The following DENND1A variants were observed in gnomAD, a reference collection of about 807,000 sequenced individuals.
The protein encoded by DENND1A is DENN domain-containing protein 1A.
A neutral mutation model predicts 113.7 loss-of-function variants in DENND1A; 51 were observed. That is an observed-to-expected ratio of 0.45 (90% CI 0.36 to 0.57). The LOEUF is 0.57. Ranked by LOEUF, DENND1A falls within the 20% of genes least tolerant of loss-of-function variation. The probability of loss-of-function intolerance (pLI) is 0.00; values close to 1 mark genes in which losing one functional copy is unlikely to be tolerated. For missense variants in DENND1A, 1,258 were observed against 1,395.9 expected, an observed-to-expected ratio of 0.90 and a Z score of 1.57; for synonymous variants, 565 against 570.8, an observed-to-expected ratio of 0.99 and a Z score of 0.14.
At chr9:123,674,478 A>G (rs2063946123) in intron 6 of DENND1A, among the ~76,000 whole-genome samples, 1 of 152,040 alleles carries the variant, frequency 6.6e-6, no homozygotes, top group Non-Finnish European at 1.5e-5. Context: ...GGTAGATTCT[A>G]TTTCTTTAAA....
At chr9:123,651,340 C>T (rs2062639432) in intron 9 of DENND1A, among the ~76,000 whole-genome samples, 1 of 152,166 alleles carries the variant, frequency 6.6e-6, no homozygotes, top group Admixed American at 6.5e-5. Flanking sequence ...CCTGAAATAC[C>T]ATAGCACATC....
chr9:123,417,917 CA>C (rs1422055850), intron 19 of DENND1A, among the ~76,000 whole-genome samples: 1 of 151,386 alleles, frequency 6.6e-6, no homozygotes, highest in Admixed American at 6.6e-5. Context: ...AGTGCAGGGA[CA>C]GGGGACCCAC....
At chr9:123,709,857 T>C (rs2066468092) in intron 5 of DENND1A, among the ~76,000 whole-genome samples, 2 of 152,190 alleles carry the variant, frequency 1.3e-5, no homozygotes, top group Non-Finnish European at 2.9e-5. Context: ...TTCACTTGAA[T>C]AATGGGAAGA....
chr9:123,496,100 C>T (rs1407211386), intron 13 of DENND1A, among the ~76,000 whole-genome samples: 2 of 152,118 alleles, frequency 1.3e-5, no homozygotes, highest in Admixed American at 6.5e-5. Flanking sequence ...TTAATATACC[C>T]GGCCTTCATA....
chr9:123,619,351 G>A (rs978352784), intron 10 of DENND1A, among the ~76,000 whole-genome samples: 3 of 152,150 alleles, frequency 2.0e-5, no homozygotes, highest in African/African-American at 7.2e-5. Flanking sequence ...TCTATTAGAT[G>A]GATAGTGGAT....
intron 9 of DENND1A, among the ~76,000 whole-genome samples, chr9:123,638,826 A>G (rs1384029711): frequency 6.6e-6 from 1 of 151,978 alleles, no homozygotes; most frequent in Non-Finnish European, 1.5e-5. Flanking sequence ...GCCACCTCAA[A>G]TCTAGTCTAA....
In DENND1A at chr9:123,864,393, T is replaced by G. The variant is rs181063871; in HGVS notation, c.88+14558A>C. On this transcript the variant is annotated intron_variant, in intron 2 of 23. Coordinates refer to ENST00000394215, the MANE Select transcript of DENND1A (RefSeq NM_001352964.2). ...GGGAAACAGCTTTTAGTGACACAAA[T>G]TCCCATGATTCCAGACCACAGGGCA... Among the ~76,000 whole-genome samples, 145 of 152,294 alleles carry G rather than the reference T, an allele frequency of 9.5e-4. 1 individual carries two copies. The highest frequency in any genetic ancestry group is 6.8e-3 in the Middle Eastern group (2 of 294).
intron 9 of DENND1A, among the ~76,000 whole-genome samples, chr9:123,651,420 ACACT>A (rs2062650751): frequency 6.6e-6 from 1 of 152,240 alleles, no homozygotes; most frequent in Admixed American, 6.5e-5. Context: ...GCGCACACAC[ACACT>A]CTCTCTCTTT....
At chr9:123,564,085 G>A (rs2057915872) in intron 12 of DENND1A, among the ~76,000 whole-genome samples, 1 of 152,064 alleles carries the variant, frequency 6.6e-6, no homozygotes, top group African/African-American at 2.4e-5. Context: ...CCTACAAATC[G>A]GCTACAAGTT....
At chr9:123,758,896 G>C (rs890739495) in intron 4 of DENND1A, among the ~76,000 whole-genome samples, 1 of 152,092 alleles carries the variant, frequency 6.6e-6, no homozygotes, top group Non-Finnish European at 1.5e-5. Context: ...CACCTCCCTG[G>C]TTCACACAAT....
chr9:123,913,131 A>C (rs1854370503), intron 1 of DENND1A, among the ~76,000 whole-genome samples: 2 of 151,934 alleles, frequency 1.3e-5, no homozygotes, highest in South Asian at 4.1e-4. Flanking sequence ...AAAAAAAAAA[A>C]AAAAAAACCT....
intron 10 of DENND1A, among the ~76,000 whole-genome samples, chr9:123,629,208 G>A (rs556269172): frequency 5.3e-5 from 8 of 152,176 alleles, no homozygotes; most frequent in African/African-American, 1.4e-4. Flanking sequence ...TCAGTGTCCC[G>A]TGTCATCTGT....
At chr9:123,715,821 C>T (rs548540420) in intron 5 of DENND1A, among the ~76,000 whole-genome samples, 134 of 152,140 alleles carry the variant, frequency 8.8e-4, no homozygotes, top group African/African-American at 2.4e-3. Context: ...GGACGAGAGG[C>T]GGCGCCACCA....
intron 5 of DENND1A, among the ~76,000 whole-genome samples, chr9:123,714,538 A>G (rs1217353508): frequency 2.0e-5 from 3 of 152,052 alleles, no homozygotes; most frequent in South Asian, 2.1e-4. Context: ...GGAGGCAGAG[A>G]TTGCAGTGAG....
At chr9:123,594,436 C>T (rs1221460214) in intron 11 of DENND1A, among the ~76,000 whole-genome samples, 3 of 152,104 alleles carry the variant, frequency 2.0e-5, no homozygotes, top group African/African-American at 7.2e-5. Flanking sequence ...CTAAGAAACA[C>T]TGGCTGTAGG....
At chr9:123,869,489 T>C (rs1846215217) in intron 2 of DENND1A, among the ~76,000 whole-genome samples, 1 of 152,212 alleles carries the variant, frequency 6.6e-6, no homozygotes, top group Admixed American at 6.5e-5. Flanking sequence ...CATAGTGATA[T>C]CTTGAGTAAA....
chr9:123,501,603 C>T (rs188752329), intron 13 of DENND1A, among the ~76,000 whole-genome samples: 1 of 152,286 alleles, frequency 6.6e-6, no homozygotes, highest in Admixed American at 6.5e-5. Flanking sequence ...GGTTCTGTGA[C>T]GGTTAATACT....
intron 10 of DENND1A, among the ~76,000 whole-genome samples, chr9:123,623,797 T>G (rs913670528): frequency 6.6e-6 from 1 of 152,248 alleles, no homozygotes; most frequent in Non-Finnish European, 1.5e-5. Context: ...CACAGAAAGC[T>G]GCAATACAGC....
chr9:123,386,859 G>A (rs758941472), intron 22 of DENND1A, among the ~76,000 whole-genome samples: 5 of 152,214 alleles, frequency 3.3e-5, no homozygotes, highest in Non-Finnish European at 7.3e-5. Flanking sequence ...CCCAGGGGGA[G>A]GGACCTGATG....
Sources: allele counts gnomAD v4.1 joint callset (sites outside exome capture counted in the v4.1 genomes callset), GRCh38; gene constraint gnomAD v4.1.1; transcripts MANE v1.5; gene names NCBI Gene and HGNC (gene_info 2026-07-23, HGNC 2026-07-21).